MPV17L: variants seen among roughly 807,000 people sequenced by gnomAD.
MPV17L encodes mpv17-like protein.
MPV17L carries 24 observed loss-of-function variants against 25.8 expected under a neutral mutation model. The observed-to-expected ratio is 0.93, with a 90% CI of 0.67 to 1.31. The LOEUF (loss-of-function observed/expected upper bound fraction) is 1.31, where lower values mean the gene tolerates loss of function less well. Ranked by LOEUF, MPV17L falls within the 50% of genes most tolerant of loss-of-function variation. The pLI is 0.00. For missense variants in MPV17L, 250 were observed against 265.6 expected (o/e 0.94, Z 0.41); for synonymous variants, 102 against 115.3 (o/e 0.88, Z 0.74).
chr16:15,396,283 G>C (rs1027323775), intron 1 of MPV17L, 76 bp downstream of exon 1: 11 of 1,503,420 alleles, frequency 7.3e-6, no homozygotes, highest in African/African-American at 1.4e-5. Flanking sequence ...GGGATCAAGC[G>C]GCTGGAGGGA....
chr16:15,400,904 ATG>A, intron 2 of MPV17L, 47 bp downstream of exon 2: 14 of 1,126,760 alleles, frequency 1.2e-5, no homozygotes, highest in Non-Finnish European at 1.6e-5. Flanking sequence ...TTGTGTATAT[ATG>A]TATATATATG....
intron 2 of MPV17L, among the ~76,000 whole-genome samples, chr16:15,404,914 C>T (rs2050668078): frequency 6.6e-6 from 1 of 152,144 alleles, no homozygotes; most frequent in Non-Finnish European, 1.5e-5. Context: ...AGGGAGATTG[C>T]CGAAGCACAG....
In MPV17L at chr16:15,408,426, A is replaced by G. The variant is rs1256942553; in HGVS notation, c.*314A>G. ...AGGAAACTTGGTTTTGATTGTTCACATTTCTATTCTAAAATCTCAGGTTAT... is the reference window on the plus strand; with the variant it reads ...AGGAAACTTGGTTTTGATTGTTCACGTTTCTATTCTAAAATCTCAGGTTAT... On this transcript the variant is annotated 3_prime_UTR_variant, in exon 4 of 4. Transcript: ENST00000396385. 7 of 213,244 alleles carry G rather than the reference A, an allele frequency of 3.3e-5. No individual in the cohort carries two copies. The highest frequency in any genetic ancestry group is 5.6e-5 in the Non-Finnish European group (6 of 108,012). 13.2% of individuals were successfully genotyped at this position (213,244 alleles called of 1,614,324 possible). A position where few individuals can be genotyped will look rare whatever the true frequency, so the allele number is the denominator to read the frequency against.
chr16:15,401,120 A>G (rs2050637503), intron 2 of MPV17L, among the ~76,000 whole-genome samples: 1 of 99,310 alleles, frequency 1.0e-5, no homozygotes, highest in Non-Finnish European at 2.1e-5. Flanking sequence ...TTAATTAAAA[A>G]AACCTTTTTC....
rs1190443365 is a variant in MPV17L at position 15,408,160 on chromosome 16, A to C, written c.*48A>C. 3.5e-6 allele frequency: 5 copies of C among 1,440,496 alleles called. No individual in the cohort carries two copies. The highest frequency in any genetic ancestry group is 2.8e-6 in the Non-Finnish European group (3 of 1,054,240). The allele number at this position is 1,440,496 out of a possible 1,614,324, so 89.2% of individuals were successfully genotyped here. A position where few individuals can be genotyped will look rare whatever the true frequency, so the allele number is the denominator to read the frequency against. On this transcript the variant is annotated 3_prime_UTR_variant, in exon 4 of 4. Coordinates refer to ENST00000396385, the MANE Select transcript of MPV17L (RefSeq NM_001128423.2). ...GGACCACATTTTTTACCTAAAATGC[A>C]CAGAATTGCCTGCAGACAAAATATT...
chr16:15,406,240 GTATATA>G (rs1289419352), intron 2 of MPV17L, among the ~76,000 whole-genome samples: 2 of 151,180 alleles, frequency 1.3e-5, no homozygotes, highest in Non-Finnish European at 2.9e-5. Context: ...GTATATATAC[GTATATA>G]TGTATATGTA....
At position 15,401,084 on chromosome 16, in the gene MPV17L, A is replaced by AT. The variant is rs1208525759; in HGVS notation, c.381+228dup. ...TATATATATATATATATATATATAT[A>AT]TATTTTTTTTTTTTTTTTTTTTTTT... On this transcript the variant is annotated intron_variant, in intron 2 of 3. Coordinates refer to ENST00000396385, the MANE Select transcript of MPV17L (RefSeq NM_001128423.2). Among the ~76,000 whole-genome samples, 315 of 33,174 alleles carry AT rather than the reference A, an allele frequency of 9.5e-3. 5 individuals are homozygous for AT. The highest frequency in any genetic ancestry group is 0.016 in the South Asian group (8 of 512). 21.8% of individuals were successfully genotyped at this position (33,174 alleles called of 152,430 possible). A position where few individuals can be genotyped will look rare whatever the true frequency, so the allele number is the denominator to read the frequency against.
Position 15,395,960 on chromosome 16 carries a change from G to A in MPV17L, c.63G>A (p.Val21=). 4.6e-6 allele frequency: 7 copies of A among 1,508,036 alleles called. No individual in the cohort carries two copies. Among genetic ancestry groups the A allele is most frequent in the Non-Finnish European group, 6.2e-6 (7 of 1,136,712 alleles). 93.4% of individuals were successfully genotyped at this position (1,508,036 alleles called of 1,614,324 possible). The change falls in exon 1 of 4, where the codon GTG becomes GTA. Residue 21 remains valine (V), a synonymous_variant. Coordinates refer to ENST00000396385, the MANE Select transcript of MPV17L (RefSeq NM_001128423.2). ...GGCGCCACCCGTGGCCCACCAACGTGCTGCTTTACGGCTCGCTCGTCTCGG... is the reference window on the plus strand; with the variant it reads ...GGCGCCACCCGTGGCCCACCAACGTACTGCTTTACGGCTCGCTCGTCTCGG... ...AARRHPWPTN[V]LLYGSLVSAG...
In MPV17L at chr16:15,396,045, C is replaced by T. The variant is rs574371977; in HGVS notation, c.148C>T (p.Arg50Cys). Residue 50 changes from arginine (R) to cysteine (C), a missense_variant, in exon 1 of 4, where the codon CGC (arginine) becomes TGC (cysteine). Transcript: ENST00000396385. ...CGAGGCCAACTGGCGCCAGACGCGG[C>T]GCGTGGCCACGTTGGTGGTGACCTT... ...GREANWRQTRRVATLVVTFHA... is the reference protein window; with the variant it reads ...GREANWRQTRCVATLVVTFHA... 8 of 1,535,440 alleles carry T rather than the reference C, an allele frequency of 5.2e-6. No homozygotes were observed. The African/African-American group carries it at 8.3e-5, about 16-fold the overall frequency.
chr16:15,395,791 G>T lies in MPV17L; in HGVS notation c.-107G>T, dbSNP rs2050572170. The T allele has an allele frequency of 1.9e-6, 2 of 1,029,980 alleles. No homozygotes were observed. The highest frequency in any genetic ancestry group is 8.4e-5 in the Admixed American group (2 of 23,740). 63.8% of individuals were successfully genotyped at this position (1,029,980 alleles called of 1,614,324 possible). Reference sequence around the variant, plus strand: ...GCTTCTGGAGGGGGCAGATGCAGGTGCCGGCTGCTGCAGTGCAGTAGCTGC... The same window carrying T: ...GCTTCTGGAGGGGGCAGATGCAGGTTCCGGCTGCTGCAGTGCAGTAGCTGC... On this transcript the variant is annotated 5_prime_UTR_variant, in exon 1 of 4. Coordinates refer to ENST00000396385, the MANE Select transcript of MPV17L (RefSeq NM_001128423.2).
At chr16:15,401,229 C>T (rs1345222416) in intron 2 of MPV17L, among the ~76,000 whole-genome samples, 1 of 150,842 alleles carries the variant, frequency 6.6e-6, no homozygotes, top group Non-Finnish European at 1.5e-5. Context: ...CCTCCCACCT[C>T]AGCCTCCTGA....
At chr16:15,398,216 G>T (rs1251672383) in intron 1 of MPV17L, among the ~76,000 whole-genome samples, 2 of 151,958 alleles carry the variant, frequency 1.3e-5, no homozygotes, top group African/African-American at 4.8e-5. Flanking sequence ...CCTAATTTTT[G>T]CATTTTTAAT....
At chr16:15,403,427 C>G (rs2050656203) in intron 2 of MPV17L, among the ~76,000 whole-genome samples, 1 of 148,914 alleles carries the variant, frequency 6.7e-6, no homozygotes, top group Admixed American at 6.7e-5. Context: ...AATCCCAGCA[C>G]TTTGGGAGGC....
At chr16:15,401,226 C>G (rs543701626) in intron 2 of MPV17L, among the ~76,000 whole-genome samples, 96 of 150,800 alleles carry the variant, frequency 6.4e-4, no homozygotes, top group Middle Eastern at 3.4e-3. Context: ...GATCCTCCCA[C>G]CTCAGCCTCC....
rs1188295973 is a variant in MPV17L, at chr16:15,412,238, G to A, written c.*4126G>A. The stretch of plus-strand genomic sequence containing the variant: ...GAGCTCAGGAGTTTGAGACCAACTT[G>A]GGCAATGTGGTGAAACCCTATCCCT... On this transcript the variant is annotated 3_prime_UTR_variant, in exon 4 of 4. Transcript: ENST00000396385. 1 of 152,062 alleles carries A rather than the reference G, an allele frequency of 6.6e-6. No homozygotes were observed. Among genetic ancestry groups the A allele is most frequent in the Non-Finnish European group, 1.5e-5 (1 of 68,058 alleles). 9.4% of individuals were successfully genotyped at this position (152,062 alleles called of 1,614,324 possible).
chr16:15,401,073 TATATATATA>T (rs1379904386), intron 2 of MPV17L, among the ~76,000 whole-genome samples: 3 of 32,418 alleles, frequency 9.3e-5, no homozygotes, highest in Non-Finnish European at 1.9e-4. Context: ...TATATATATA[TATATATATA>T]TATATTTTTT....
rs890425691 is a variant in MPV17L, at chr16:15,412,619, A to G, written c.*4507A>G. ...GAGACAGAGTTTCGCTTTGTAGCCCAGGTTGGAGTGCAGTGTCGCGATCTC... is the reference window on the plus strand; with the variant it reads ...GAGACAGAGTTTCGCTTTGTAGCCCGGGTTGGAGTGCAGTGTCGCGATCTC... On this transcript the variant is annotated 3_prime_UTR_variant, in exon 4 of 4. Transcript: ENST00000396385. 6.8e-6 allele frequency: 1 copy of G among 147,276 alleles called. No individual in the cohort carries two copies. The highest frequency in any genetic ancestry group is 2.5e-5 in the African/African-American group (1 of 39,894). The allele number at this position is 147,276 out of a possible 1,614,324, so 9.1% of individuals were successfully genotyped here.
rs2150905246 is a variant in MPV17L, at chr16:15,400,858, G to A, written c.381+1G>A. The stretch of plus-strand genomic sequence containing the variant: ...ACAGAAATTCTGGAATACCTATCTG[G>A]TAAGATAGGCGTTTGAAAATGTAAT... On this transcript the variant is annotated splice_donor_variant, in intron 2 of 3. Transcript: ENST00000396385. LOFTEE classifies it high-confidence loss of function. 1.3e-6 allele frequency: 2 copies of A among 1,588,994 alleles called. No individual in the cohort carries two copies. The highest frequency in any genetic ancestry group is 4.5e-5 in the East Asian group (2 of 44,596).
In MPV17L at chr16:15,411,573, G is replaced by A. The variant is rs2050734017; in HGVS notation, c.*3461G>A. The A allele has an allele frequency of 6.6e-6, 1 of 152,210 alleles. No homozygotes were observed. The highest frequency in any genetic ancestry group is 1.5e-5 in the Non-Finnish European group (1 of 68,044). The allele number at this position is 152,210 out of a possible 1,614,324, so 9.4% of individuals were successfully genotyped here. A position where few individuals can be genotyped will look rare whatever the true frequency, so the allele number is the denominator to read the frequency against. On this transcript the variant is annotated 3_prime_UTR_variant, in exon 4 of 4. Transcript: ENST00000396385. ...ATGCAGGAGGATCTCTCGAGCTCAGGAGGCAGAAGATGAATAAATAAATGG... is the reference window on the plus strand; with the variant it reads ...ATGCAGGAGGATCTCTCGAGCTCAGAAGGCAGAAGATGAATAAATAAATGG...
Sources: gnomAD v4.1 joint callset for allele counts (sites outside exome capture counted in the v4.1 genomes callset) on GRCh38, gnomAD v4.1.1 for gene constraint, MANE v1.5 for transcripts, NCBI Gene and HGNC (gene_info 2026-07-23, HGNC 2026-07-21) for gene names.